The following GMDS variants were observed in gnomAD, a reference collection of about 807,000 sequenced individuals.
GMDS encodes the protein GDP-mannose 4,6 dehydratase.
In GMDS, 20 loss-of-function variants were observed where a neutral mutation model predicts 49.9. That is an observed-to-expected ratio of 0.40 (90% CI 0.28 to 0.58). GMDS has a LOEUF of 0.58. GMDS is among the 20% of genes least tolerant of loss of function. The pLI is 0.42. For synonymous variants in GMDS, 177 were observed against 178.6 expected, an observed-to-expected ratio of 0.99 and a Z score of 0.07; for missense variants, 362 against 481.4, an observed-to-expected ratio of 0.75 and a Z score of 2.32.
At chr6:2,184,412 C>A (rs141181742) in intron 1 of GMDS, among the ~76,000 whole-genome samples, 2 of 152,280 alleles carry the variant, frequency 1.3e-5, no homozygotes, top group African/African-American at 2.4e-5. Flanking sequence ...CCTCTCTTAA[C>A]GATTCTCTTC....
intron 6 of GMDS, among the ~76,000 whole-genome samples, chr6:1,958,816 T>C (rs1016290412): frequency 6.6e-6 from 1 of 152,214 alleles, no homozygotes; most frequent in Non-Finnish European, 1.5e-5. Context: ...ATCTAAATGA[T>C]AGCGAAATTT....
chr6:1,943,371 C>T (rs958740024), intron 6 of GMDS, among the ~76,000 whole-genome samples: 1 of 152,360 alleles, frequency 6.6e-6, no homozygotes, highest in African/African-American at 2.4e-5. Context: ...TTACACTCCA[C>T]TGCAATCTTC....
intron 7 of GMDS, among the ~76,000 whole-genome samples, chr6:1,912,987 C>A (rs1488975554): frequency 2.6e-5 from 4 of 152,206 alleles, no homozygotes; most frequent in African/African-American, 4.8e-5. Context: ...CTGAATGCCA[C>A]ACCCTTTAGT....
At chr6:2,195,925 G>T (rs1779257415) in intron 1 of GMDS, among the ~76,000 whole-genome samples, 1 of 151,698 alleles carries the variant, frequency 6.6e-6, no homozygotes, top group Non-Finnish European at 1.5e-5. Context: ...AATTTCATTT[G>T]CAACTGTGGA....
At chr6:2,225,185 C>G (rs1197123756) in intron 1 of GMDS, among the ~76,000 whole-genome samples, 2 of 151,408 alleles carry the variant, frequency 1.3e-5, no homozygotes, top group Non-Finnish European at 2.9e-5. Flanking sequence ...AAAAAATTAG[C>G]TGGGCATGGT....
chr6:1,907,251 C>T lies in GMDS; in HGVS notation c.771+22852G>A, dbSNP rs577619413. 9.2e-5 allele frequency among the ~76,000 whole-genome samples: 14 copies of T among 152,238 alleles called. No homozygotes were observed. The East Asian group carries it at 1.9e-3, about 21-fold the overall frequency. Reference sequence around the variant, plus strand: ...ACGCATAGACTCTGATACTCTAAAGCTCCACATGACAGATGAGGGGAAGAT... The same window carrying T: ...ACGCATAGACTCTGATACTCTAAAGTTCCACATGACAGATGAGGGGAAGAT... On this transcript the variant is annotated intron_variant, in intron 7 of 10. Transcript: ENST00000380815.
At chr6:1,709,823 T>G (rs1488920270) in intron 9 of GMDS, among the ~76,000 whole-genome samples, 1 of 152,210 alleles carries the variant, frequency 6.6e-6, no homozygotes, top group Admixed American at 6.5e-5. Context: ...AGCTTGAAGT[T>G]TGGGGAGAAA....
At chr6:2,021,554 G>A (rs1352370287) in intron 4 of GMDS, among the ~76,000 whole-genome samples, 2 of 152,024 alleles carry the variant, frequency 1.3e-5, no homozygotes, top group Admixed American at 1.3e-4. Context: ...GATACAAGGT[G>A]GAAAAAAAGC....
chr6:1,752,629 T>C lies in GMDS; in HGVS notation c.772-10043A>G, dbSNP rs551564398. 1.1e-3 allele frequency among the ~76,000 whole-genome samples: 163 copies of C among 152,222 alleles called. 1 individual carries two copies. The highest frequency in any genetic ancestry group is 3.8e-3 in the African/African-American group (157 of 41,546). On this transcript the variant is annotated intron_variant, in intron 7 of 10. Coordinates refer to ENST00000380815, the MANE Select transcript of GMDS (RefSeq NM_001500.4). Reference sequence around the variant, plus strand: ...ATGAAGGAAAGAATGTTAAGGGCAGTCAGAGAGAAAGGTCGGGTTACTCAC... The same window carrying C: ...ATGAAGGAAAGAATGTTAAGGGCAGCCAGAGAGAAAGGTCGGGTTACTCAC...
At chr6:1,805,256 G>C (rs937457287) in intron 7 of GMDS, among the ~76,000 whole-genome samples, 3 of 152,004 alleles carry the variant, frequency 2.0e-5, no homozygotes, top group African/African-American at 7.3e-5. Context: ...ATTTTTCCTG[G>C]TAGTTATATA....
chr6:2,129,091 T>A (rs1562081706), intron 1 of GMDS, among the ~76,000 whole-genome samples: 3 of 152,232 alleles, frequency 2.0e-5, no homozygotes, highest in South Asian at 2.1e-4. Flanking sequence ...CCAGACAGAG[T>A]TATGTAAAAA....
intron 1 of GMDS, among the ~76,000 whole-genome samples, chr6:2,224,948 G>A (rs1322283764): frequency 2.0e-5 from 3 of 152,202 alleles, no homozygotes; most frequent in African/African-American, 7.2e-5. Context: ...TTACTTGAAA[G>A]TCACAGAACT....
chr6:1,937,638 A>C (rs1282893186), intron 6 of GMDS, among the ~76,000 whole-genome samples: 1 of 152,190 alleles, frequency 6.6e-6, no homozygotes, highest in Admixed American at 6.5e-5. Flanking sequence ...CACCATATGA[A>C]TAGTGCTTTC....
At position 1,956,843 on chromosome 6, in the gene GMDS, G is replaced by A. The variant is rs73425600; in HGVS notation, c.643+3024C>T. Among the ~76,000 whole-genome samples the A allele has an allele frequency of 7.9e-3, 1,178 of 149,758 alleles. 14 individuals are homozygous for A. The highest frequency in any genetic ancestry group is 0.027 in the African/African-American group (1,091 of 40,672). ...TTTTTTTTTTTTGAGATGGAGTCTC[G>A]CACTGTCGCCTGGGCTGGCACAATC... On this transcript the variant is annotated intron_variant, in intron 6 of 10. Transcript: ENST00000380815.
chr6:1,986,348 T>C (rs1226883654), intron 4 of GMDS, among the ~76,000 whole-genome samples: 2 of 152,138 alleles, frequency 1.3e-5, no homozygotes, highest in African/African-American at 2.4e-5. Context: ...CTTCCCTCAA[T>C]GCTGGAGGCT....
intron 9 of GMDS, among the ~76,000 whole-genome samples, chr6:1,723,002 T>C (rs1156765929): frequency 6.6e-6 from 1 of 152,238 alleles, no homozygotes; most frequent in Non-Finnish European, 1.5e-5. Flanking sequence ...AATTGAGCTT[T>C]AATTGGATGC....
At chr6:1,869,675 T>C (rs567169715) in intron 7 of GMDS, among the ~76,000 whole-genome samples, 2 of 152,276 alleles carry the variant, frequency 1.3e-5, no homozygotes, top group African/African-American at 4.8e-5. Context: ...GGAAAGTAAG[T>C]AGCAAAAACA....
In GMDS at chr6:1,674,560, CT is replaced by C. The variant is rs869292549; in HGVS notation, c.988-50021del. Among the ~76,000 whole-genome samples the C allele has an allele frequency of 4.2e-4, 31 of 73,456 alleles. No individual in the cohort carries two copies. The East Asian group carries it at 5.4e-3, about 13-fold the overall frequency. The allele number at this position is 73,456 out of a possible 152,430, so 48.2% of individuals were successfully genotyped here. On this transcript the variant is annotated intron_variant, in intron 9 of 10. Transcript: ENST00000380815. ...CAACTCATCAACTCTCTCTCTCTCT[CT>C]TTTTTTTTTTTTTTTTTTTTTTTGA...
intron 6 of GMDS, among the ~76,000 whole-genome samples, chr6:1,942,436 C>T (rs529006349): frequency 1.3e-5 from 2 of 152,296 alleles, no homozygotes; most frequent in East Asian, 3.9e-4. Flanking sequence ...ATCCTGACTG[C>T]ACTGATTTAT....
Sources: allele counts gnomAD v4.1 joint callset (sites outside exome capture counted in the v4.1 genomes callset), GRCh38; gene constraint gnomAD v4.1.1; transcripts MANE v1.5; gene names NCBI Gene and HGNC (gene_info 2026-07-23, HGNC 2026-07-21).